Variants in IL1RL1 observed in about 807,000 individuals in gnomAD.
IL1RL1 encodes interleukin 1 receptor like 1, also known as interleukin-1 receptor-like 1.
IL1RL1 carries 32 observed loss-of-function variants against 50.9 expected under a neutral mutation model. That is an observed-to-expected ratio of 0.63 (90% CI 0.47 to 0.84). The LOEUF (loss-of-function observed/expected upper bound fraction) is 0.84. Ranked by LOEUF, IL1RL1 falls within the 40% of genes least tolerant of loss-of-function variation. The probability of loss-of-function intolerance (pLI) is 0.00; values close to 1 mark genes in which losing one functional copy is unlikely to be tolerated. For synonymous variants in IL1RL1, 275 were observed against 236.0 expected (o/e 1.17, Z -1.51); for missense variants, 773 against 662.9 (o/e 1.17, Z -1.82).
chr2:102,330,455 C>G, intron 1 of IL1RL1, among the ~76,000 whole-genome samples: 1 of 152,234 alleles, frequency 6.6e-6, no homozygotes, highest in South Asian at 2.1e-4. Context: ...AAAACCTGCA[C>G]GTTGTGCACA....
At chr2:102,331,247 T>C (rs1677171030) in intron 1 of IL1RL1, among the ~76,000 whole-genome samples, 2 of 152,342 alleles carry the variant, frequency 1.3e-5, no homozygotes, top group East Asian at 1.9e-4. Flanking sequence ...ATGCAGACTT[T>C]AGATTTCCAT....
At chr2:102,340,598 A>G (rs917448670) in intron 4 of IL1RL1, 68 bp from the exon 5 acceptor site, 20 of 1,508,812 alleles carry the variant, frequency 1.3e-5, no homozygotes, top group African/African-American at 2.9e-5. Context: ...GGCAACAAAC[A>G]TTCTGTCAAC....
intron 1 of IL1RL1, among the ~76,000 whole-genome samples, chr2:102,318,715 AGAG>A (rs57872747): frequency 0.028 from 4,205 of 152,188 alleles, 177 homozygotes; most frequent in African/African-American, 0.095. Context: ...GGTGGAGAGA[AGAG>A]GAGATGTGAA....
chr2:102,352,087 C>G (rs1178350665), downstream of IL1RL1: 6 of 653,832 alleles, frequency 9.2e-6, no homozygotes, highest in Non-Finnish European at 1.5e-5. Flanking sequence ...TGGGTGGATG[C>G]AAAATGGCCA....
intron 1 of IL1RL1, among the ~76,000 whole-genome samples, chr2:102,327,811 C>T (rs1379287728): frequency 1.3e-5 from 2 of 152,004 alleles, no homozygotes; most frequent in Non-Finnish European, 2.9e-5. Flanking sequence ...CCAGGAAGAA[C>T]TTGAATCTCT....
In IL1RL1 at chr2:102,351,442, C is replaced by G. The variant is rs907702756; in HGVS notation, c.1286-94C>G. The G allele has an allele frequency of 3.5e-6, 4 of 1,138,418 alleles. No homozygotes were observed. In the Admixed American group the frequency reaches 1.0e-4, roughly 29 times the overall value. The allele number at this position is 1,138,418 out of a possible 1,614,324, so 70.5% of individuals were successfully genotyped here. On this transcript the variant is annotated intron_variant, in intron 10 of 10. Transcript: ENST00000233954. ...TGACTTGATGTCAGAGAATCTCACA[C>G]CAGATTATAACAATAAGACTTTTAA... is the stretch of plus-strand genomic sequence containing the variant.
intron 5 of IL1RL1, chr2:102,341,183 T>C (rs1282707361): frequency 1.8e-6 from 2 of 1,105,518 alleles, no homozygotes; most frequent in East Asian, 1.7e-4. Flanking sequence ...TTTTTTTTTT[T>C]CTAGTTTGGT....
chr2:102,344,697 G>C, intron 8 of IL1RL1: 1 of 900,246 alleles, frequency 1.1e-6, no homozygotes, highest in South Asian at 5.2e-5. Context: ...AATATTTGTT[G>C]ACTGAATAAA....
chr2:102,328,939 A>T (rs1677093063), intron 1 of IL1RL1, among the ~76,000 whole-genome samples: 1 of 152,200 alleles, frequency 6.6e-6, no homozygotes, highest in Non-Finnish European at 1.5e-5. Context: ...ATTCAATGCC[A>T]TCCCCATCAA....
chr2:102,337,753 G>A (rs72823646), intron 1 of IL1RL1, among the ~76,000 whole-genome samples: 26,567 of 151,914 alleles, frequency 0.17, 2,642 homozygotes, highest in African/African-American at 0.26. Context: ...GGATGTCTGT[G>A]GTTTCACATG....
intron 1 of IL1RL1, among the ~76,000 whole-genome samples, chr2:102,335,523 G>A (rs1677296939): frequency 6.6e-6 from 1 of 152,148 alleles, no homozygotes; most frequent in South Asian, 2.1e-4. Flanking sequence ...TGATGTTAAT[G>A]ATAAGTACCA....
At chr2:102,352,288 T>C (rs1677957978), downstream of IL1RL1, among the ~76,000 whole-genome samples, 1 of 148,674 alleles carries the variant, frequency 6.7e-6, no homozygotes, top group African/African-American at 2.5e-5. Flanking sequence ...GAGTAGATTT[T>C]CACGTCACTT....
chr2:102,329,362 T>G (rs1405030501), intron 1 of IL1RL1, among the ~76,000 whole-genome samples: 4 of 152,010 alleles, frequency 2.6e-5, no homozygotes, highest in Non-Finnish European at 2.9e-5. Context: ...AGACTGAAAT[T>G]TTAGACCTAA....
intron 8 of IL1RL1, chr2:102,345,278 C>T (rs887268234): frequency 2.0e-6 from 2 of 985,352 alleles, no homozygotes; most frequent in African/African-American, 3.5e-5. Flanking sequence ...TCTTGGAAAA[C>T]AGCTTTCCAA....
At chr2:102,352,079 G>A (rs1480501556), downstream of IL1RL1, 10 of 735,262 alleles carry the variant, frequency 1.4e-5, no homozygotes, top group Non-Finnish European at 1.9e-5. Flanking sequence ...CCTGCTTCTG[G>A]GTGGATGCAA....
intron 10 of IL1RL1, among the ~76,000 whole-genome samples, chr2:102,350,243 C>G (rs528344450): frequency 6.6e-6 from 1 of 152,232 alleles, no homozygotes; most frequent in African/African-American, 2.4e-5. Flanking sequence ...TACTCAAGAA[C>G]CTGCAGGGAC....
chr2:102,349,516 C>T (rs761871712), intron 10 of IL1RL1, among the ~76,000 whole-genome samples: 1 of 152,108 alleles, frequency 6.6e-6, no homozygotes, highest in Non-Finnish European at 1.5e-5. Context: ...AACCATCATC[C>T]CTACTTTATT....
Position 102,349,083 on chromosome 2 carries a change from A to G in IL1RL1, c.1122A>G (p.Gly374=). 1 of 1,612,412 alleles carries G rather than the reference A, an allele frequency of 6.2e-7. No homozygotes were observed. The highest frequency in any genetic ancestry group is 8.5e-7 in the Non-Finnish European group (1 of 1,178,742). Reference sequence around the variant, plus strand: ...ACTTCTTGTTTTCATTTTCAGATGGAAAGCTCTATGATGCTTATGTTGTCT... The same window carrying G: ...ACTTCTTGTTTTCATTTTCAGATGGGAAGCTCTATGATGCTTATGTTGTCT... ...IAKPYKTRND[G]KLYDAYVVYP... is the part of the protein sequence containing the mutation. Residue 374 remains glycine (G), a synonymous_variant, in exon 10 of 11, where the codon GGA becomes GGG. Transcript: ENST00000233954.
chr2:102,312,094 A>G (rs1437578527), intron 1 of IL1RL1, among the ~76,000 whole-genome samples: 1 of 100,194 alleles, frequency 1.0e-5, no homozygotes, highest in African/African-American at 3.8e-5. Flanking sequence ...ACATTATTAT[A>G]TATTAAATAT....
Sources: allele counts gnomAD v4.1 joint callset (sites outside exome capture counted in the v4.1 genomes callset), GRCh38; gene constraint gnomAD v4.1.1; transcripts MANE v1.5; gene names NCBI Gene and HGNC (gene_info 2026-07-23, HGNC 2026-07-21).